The following ARL15 variants were observed in gnomAD, a reference collection of about 807,000 sequenced individuals.
ARL15 encodes ADP-ribosylation factor-like protein 15.
A neutral mutation model predicts 25.2 loss-of-function variants in ARL15; 19 were observed. That is an observed-to-expected ratio of 0.75 (90% CI 0.53 to 1.10). ARL15 has a LOEUF of 1.10. Among genes scored for constraint, ARL15 ranks in the 50% least tolerant of loss-of-function variants. The pLI is 0.00. For missense variants in ARL15, 220 were observed against 246.0 expected, an observed-to-expected ratio of 0.89 and a Z score of 0.71; for synonymous variants, 94 against 86.8, an observed-to-expected ratio of 1.08 and a Z score of -0.46.
At chr5:54,159,759 C>T (rs277323) in intron 2 of ARL15, among the ~76,000 whole-genome samples, 31,779 of 152,050 alleles carry the variant, frequency 0.21, 4,029 homozygotes, top group East Asian at 0.68. Flanking sequence ...AAATATATGA[C>T]TTAGTAACTC....
At chr5:54,034,570 AG>A (rs1314986910) in intron 4 of ARL15, among the ~76,000 whole-genome samples, 4 of 152,350 alleles carry the variant, frequency 2.6e-5, no homozygotes, top group Admixed American at 2.0e-4. Flanking sequence ...CACTGTAGGC[AG>A]GCATAACAAA....
chr5:54,290,173 G>A lies in ARL15; in HGVS notation c.48+20259C>T, dbSNP rs574477457. Reference sequence around the variant, plus strand: ...CTCTGTCTCAACAGAGCCAGCAACTGATGCAAAACAATAAACAACATCCAT... The same window carrying A: ...CTCTGTCTCAACAGAGCCAGCAACTAATGCAAAACAATAAACAACATCCAT... On this transcript the variant is annotated intron_variant, in intron 1 of 4. Coordinates refer to ENST00000504924, the MANE Select transcript of ARL15 (RefSeq NM_019087.3). Among the ~76,000 whole-genome samples, 22 of 152,274 alleles carry A rather than the reference G, an allele frequency of 1.4e-4. No homozygotes were observed. In the East Asian group the frequency reaches 4.2e-3, roughly 29 times the overall value.
At chr5:54,062,767 A>C (rs6895649) in intron 4 of ARL15, among the ~76,000 whole-genome samples, 3 of 152,016 alleles carry the variant, frequency 2.0e-5, no homozygotes, top group Non-Finnish European at 4.4e-5. Flanking sequence ...GAAAGCTAAA[A>C]GTTAACAGGA....
chr5:54,021,518 G>A (rs567992616), intron 4 of ARL15, among the ~76,000 whole-genome samples: 29 of 152,166 alleles, frequency 1.9e-4, no homozygotes, highest in African/African-American at 6.5e-4. Context: ...ATAGAAGAGC[G>A]AAAACAAAAG....
intron 1 of ARL15, among the ~76,000 whole-genome samples, chr5:54,174,059 A>G (rs1451778066): frequency 4.6e-5 from 7 of 152,110 alleles, no homozygotes; most frequent in African/African-American, 1.7e-4. Context: ...TTATAAATTC[A>G]TTACACAGAC....
intron 4 of ARL15, among the ~76,000 whole-genome samples, chr5:54,059,811 T>C (rs1454322364): frequency 6.6e-6 from 1 of 152,210 alleles, no homozygotes. Flanking sequence ...AATTCCATAA[T>C]GTGTATAAAA....
At chr5:53,992,838 G>A (rs1052102485) in intron 4 of ARL15, among the ~76,000 whole-genome samples, 1 of 103,086 alleles carries the variant, frequency 9.7e-6, no homozygotes, top group Non-Finnish European at 2.0e-5. Context: ...AGGTGGGTCG[G>A]GAGTTTGAGA....
At chr5:54,205,172 C>G (rs1170013886) in intron 1 of ARL15, among the ~76,000 whole-genome samples, 1 of 152,030 alleles carries the variant, frequency 6.6e-6, no homozygotes, top group Non-Finnish European at 1.5e-5. Context: ...GCATGAAGAG[C>G]GCTCACTTTG....
chr5:53,944,538 G>A (rs1746659708), intron 4 of ARL15, among the ~76,000 whole-genome samples: 3 of 152,226 alleles, frequency 2.0e-5, no homozygotes, highest in African/African-American at 7.2e-5. Flanking sequence ...GCTGCAGAAA[G>A]CTGTGATCAT....
chr5:54,269,624 C>G (rs1022113455), intron 1 of ARL15, among the ~76,000 whole-genome samples: 1 of 152,080 alleles, frequency 6.6e-6, no homozygotes, highest in African/African-American at 2.4e-5. Context: ...ATTTACACAA[C>G]ATAGAGGATT....
chr5:54,180,713 CTT>C (rs1469126526), intron 1 of ARL15, among the ~76,000 whole-genome samples: 1 of 152,216 alleles, frequency 6.6e-6, no homozygotes, highest in Non-Finnish European at 1.5e-5. Context: ...CTAAATCTGT[CTT>C]TGCCTTACCC....
chr5:54,124,335 C>T (rs1753180494), intron 3 of ARL15, among the ~76,000 whole-genome samples: 3 of 152,152 alleles, frequency 2.0e-5, no homozygotes, highest in Admixed American at 6.5e-5. Flanking sequence ...TCTGCTTAAG[C>T]TTGTAATTCT....
intron 1 of ARL15, among the ~76,000 whole-genome samples, chr5:54,230,441 G>C (rs541118252): frequency 6.6e-6 from 1 of 150,992 alleles, no homozygotes; most frequent in South Asian, 2.1e-4. Context: ...AGGAAGAAGA[G>C]AATGTCCTGA....
At chr5:53,992,249 T>C (rs1389802493) in intron 4 of ARL15, among the ~76,000 whole-genome samples, 1 of 152,204 alleles carries the variant, frequency 6.6e-6, no homozygotes, top group African/African-American at 2.4e-5. Context: ...AAACATCCCC[T>C]ATGAGTTGAC....
intron 2 of ARL15, among the ~76,000 whole-genome samples, chr5:54,155,696 ACACACACG>A (rs1384194209): frequency 1.3e-5 from 2 of 151,802 alleles, no homozygotes; most frequent in African/African-American, 4.8e-5. Flanking sequence ...ACACACACAC[ACACACACG>A]CACACACACA....
rs374728919 is a variant in ARL15 at position 54,171,841 on chromosome 5, T to C, written c.136A>G (p.Thr46Ala). The change falls in exon 2 of 5, where the codon ACC (threonine) becomes GCC (alanine). Residue 46 changes from threonine (T) to alanine (A), a missense_variant. Coordinates refer to ENST00000504924, the MANE Select transcript of ARL15 (RefSeq NM_019087.3). ...CTGCAGAGTTTGGACAACAGACTGG[T>C]TTTGCCAGAACCTGTGAGGCCTATG... is the stretch of plus-strand genomic sequence containing the variant. ...VCIGLTGSGK[T>A]SLLSKLCSES... 177 of 1,613,452 alleles carry C rather than the reference T, an allele frequency of 1.1e-4. No individual in the cohort carries two copies. The highest frequency in any genetic ancestry group is 1.4e-4 in the Non-Finnish European group (168 of 1,179,668).
rs1483207490 is a variant in ARL15, at chr5:53,884,370, A to ACCAC, written c.*2187_*2190dup. 7.9e-4 allele frequency: 3 copies of ACCAC among 3,784 alleles called. No individual in the cohort carries two copies. The highest frequency in any genetic ancestry group is 1.6e-3 in the Non-Finnish European group (3 of 1,824). The allele number at this position is 3,784 out of a possible 1,614,324, so 0.2% of individuals were successfully genotyped here. A position where few individuals can be genotyped will look rare whatever the true frequency, so the allele number is the denominator to read the frequency against. On this transcript the variant is annotated 3_prime_UTR_variant, in exon 5 of 5. Coordinates refer to ENST00000504924, the MANE Select transcript of ARL15 (RefSeq NM_019087.3). ...CACCCCCAGCCATCCCACCCACCCC[A>ACCAC]CCACCCACCCACCCATCCCCACCCG...
chr5:54,061,673 T>C (rs1298352640), intron 4 of ARL15, among the ~76,000 whole-genome samples: 2 of 152,108 alleles, frequency 1.3e-5, no homozygotes, highest in Non-Finnish European at 2.9e-5. Flanking sequence ...AGAGGATGTA[T>C]GGAAATGCCT....
intron 4 of ARL15, among the ~76,000 whole-genome samples, chr5:53,891,990 A>C (rs1250366055): frequency 6.6e-6 from 1 of 152,230 alleles, no homozygotes; most frequent in African/African-American, 2.4e-5. Flanking sequence ...TTTGTATTAT[A>C]AGAGTACAGG....
Sources: gnomAD v4.1 joint callset for allele counts (sites outside exome capture counted in the v4.1 genomes callset) on GRCh38, gnomAD v4.1.1 for gene constraint, MANE v1.5 for transcripts, NCBI Gene and HGNC (gene_info 2026-07-23, HGNC 2026-07-21) for gene names.